The following SYN3 variants were observed in gnomAD, a reference collection of about 807,000 sequenced individuals.
SYN3 encodes synapsin III.
Under a neutral mutation model 65.8 loss-of-function variants are expected in SYN3, and 35 were observed. That is an observed-to-expected ratio of 0.53 (90% confidence interval 0.41 to 0.70). The LOEUF (loss-of-function observed/expected upper bound fraction) is 0.70, where lower values mean the gene tolerates loss of function less well. Ranked by LOEUF, SYN3 falls within the 30% of genes least tolerant of loss-of-function variation. The pLI is 0.00. For synonymous variants in SYN3, 270 were observed against 292.9 expected (o/e 0.92, Z 0.80); for missense variants, 680 against 749.0 (o/e 0.91, Z 1.08).
intron 6 of SYN3, among the ~76,000 whole-genome samples, chr22:32,648,595 A>G (rs1569122911): frequency 1.3e-5 from 2 of 152,212 alleles, no homozygotes; most frequent in Non-Finnish European, 1.5e-5. Context: ...AAATATCTGC[A>G]TTTGAGACTT....
In SYN3 at chr22:32,541,628, A is replaced by G; in HGVS notation, c.860T>C (p.Ile287Thr). 6.2e-7 allele frequency: 1 copy of G among 1,614,028 alleles called. No homozygotes were observed. The highest frequency in any genetic ancestry group is 8.5e-7 in the Non-Finnish European group (1 of 1,179,996). ...GATGCGGATGTCGTACTTGGAGTCG[A>G]TGAAGGCCTCGGTGGTGGCGTAGGT... Reference protein sequence around the residue: ...AKTYATTEAFIDSKYDIRIQK... With the variant: ...AKTYATTEAFTDSKYDIRIQK... Residue 287 changes from isoleucine to threonine, a missense_variant, in exon 8 of 14, where the codon ATC (isoleucine) becomes ACC (threonine). Ile to Thr is a moderately conservative substitution (Grantham distance 89). Transcript: ENST00000358763.
intron 6 of SYN3, among the ~76,000 whole-genome samples, chr22:32,782,385 A>G (rs1314976004): frequency 2.0e-5 from 3 of 151,736 alleles, no homozygotes; most frequent in African/African-American, 7.3e-5. Flanking sequence ...TATTTTTAGT[A>G]GACATGGGGC....
chr22:32,722,762 G>C (rs1418305332), intron 6 of SYN3, among the ~76,000 whole-genome samples: 1 of 152,186 alleles, frequency 6.6e-6, no homozygotes. Flanking sequence ...CTATCTCTAG[G>C]CTAGGAAGGT....
In SYN3 at chr22:32,509,211, G is replaced by T. The variant is rs1429273362; in HGVS notation, c.*4481C>A. Among the ~76,000 whole-genome samples the T allele has an allele frequency of 1.3e-5, 2 of 152,168 alleles. No homozygotes were observed. Among genetic ancestry groups the T allele is most frequent in the East Asian group, 3.8e-4 (2 of 5,206 alleles). ...TTTTCTGTGGCTGGTAGAGCTGTCC[G>T]CTAAGGCTGCGTTTTTAAATCCCTG... On this transcript the variant is annotated 3_prime_UTR_variant, in exon 14 of 14. Transcript: ENST00000358763.
chr22:33,015,216 G>A lies in SYN3; in HGVS notation c.-162-8392C>T, dbSNP rs1210782851. The A allele has an allele frequency of 1.7e-4, 39 of 228,370 alleles. No individual in the cohort carries two copies. In the Admixed American group the frequency reaches 2.3e-3, roughly 13 times the overall value. The allele number at this position is 228,370 out of a possible 1,614,324, so 14.1% of individuals were successfully genotyped here. ...AGCCTGGGCGACAGAGTGAGACTCC[G>A]TCTCAAAAAAAAAAAAAAAAAAAAA... is the stretch of plus-strand genomic sequence containing the variant. On this transcript the variant is annotated intron_variant, in intron 1 of 13. Transcript: ENST00000358763.
chr22:32,956,221 T>A (rs2051460377), intron 3 of SYN3, among the ~76,000 whole-genome samples: 1 of 143,556 alleles, frequency 7.0e-6, no homozygotes, highest in Non-Finnish European at 1.5e-5. Flanking sequence ...AGAGGCACGA[T>A]CTTGGCTCAC....
chr22:32,698,856 T>G (rs1215892219), intron 6 of SYN3, among the ~76,000 whole-genome samples: 5 of 152,216 alleles, frequency 3.3e-5, no homozygotes, highest in African/African-American at 1.2e-4. Context: ...TATGGGACAT[T>G]AATTTCTGCA....
rs547435440 is a variant in SYN3 at position 32,837,356 on chromosome 22, T to C, written c.711+27559A>G. 2.6e-5 allele frequency among the ~76,000 whole-genome samples: 4 copies of C among 152,138 alleles called. No individual in the cohort carries two copies. The South Asian group carries it at 8.3e-4, about 32-fold the overall frequency. On this transcript the variant is annotated intron_variant, in intron 6 of 13. Coordinates refer to ENST00000358763, the MANE Select transcript of SYN3 (RefSeq NM_003490.4). This position sits in a 1 kb window ranked among gnomAD's most constrained non-coding sequence, Gnocchi z 4.1. ...TCTCAGCCCCCCTCACCGAGTGCAC[T>C]TGCATGGCAGTAAGCAAGTCGGCGC...
chr22:32,927,612 A>G (rs777177290), intron 4 of SYN3, among the ~76,000 whole-genome samples: 75 of 151,986 alleles, frequency 4.9e-4, no homozygotes, highest in Non-Finnish European at 2.2e-4. Flanking sequence ...TTTACCCTCA[A>G]TCTCTACTAA....
At chr22:33,012,563 G>A (rs2053374883) in intron 1 of SYN3, among the ~76,000 whole-genome samples, 1 of 152,224 alleles carries the variant, frequency 6.6e-6, no homozygotes, top group Non-Finnish European at 1.5e-5. Flanking sequence ...ATGGTGACTT[G>A]CAAGCAGGAA....
intron 9 of SYN3, among the ~76,000 whole-genome samples, chr22:32,534,455 T>A (rs936300864): frequency 1.3e-5 from 2 of 152,180 alleles, no homozygotes; most frequent in South Asian, 4.2e-4. Flanking sequence ...CTGGGGAGAC[T>A]GGCAGGCTGC....
In SYN3 at chr22:32,710,645, A is replaced by AAAAG. The variant is rs796273968; in HGVS notation, c.712-113913_712-113910dup. ...GAGACTCTGTCTCAAAAAAAAAAAA[A>AAAAG]AAAGAAAGAAAGAAAAAGAAAGAAA... On this transcript the variant is annotated intron_variant, in intron 6 of 13. Coordinates refer to ENST00000358763, the MANE Select transcript of SYN3 (RefSeq NM_003490.4). 9.4e-3 allele frequency among the ~76,000 whole-genome samples: 1,169 copies of AAAAG among 124,262 alleles called. 12 individuals are homozygous for AAAAG. The highest frequency in any genetic ancestry group is 0.038 in the East Asian group (91 of 2,426). 81.5% of individuals were successfully genotyped at this position (124,262 alleles called of 152,430 possible). A position where few individuals can be genotyped will look rare whatever the true frequency, so the allele number is the denominator to read the frequency against.
chr22:32,559,073 T>C (rs552895189), intron 7 of SYN3, among the ~76,000 whole-genome samples: 3 of 152,346 alleles, frequency 2.0e-5, no homozygotes, highest in Non-Finnish European at 4.4e-5. Flanking sequence ...ATTCATTTAG[T>C]CTTCATAACA....
intron 4 of SYN3, among the ~76,000 whole-genome samples, chr22:32,885,637 C>G (rs1416154927): frequency 2.6e-5 from 4 of 151,928 alleles, no homozygotes; most frequent in African/African-American, 9.7e-5. Flanking sequence ...CTCAGCTCAC[C>G]ACAATCTCCA....
chr22:32,808,848 G>A (rs1159109272), intron 6 of SYN3, among the ~76,000 whole-genome samples: 2 of 152,216 alleles, frequency 1.3e-5, no homozygotes, highest in African/African-American at 4.8e-5. Flanking sequence ...AACTCCCAGA[G>A]GGGATCATTC....
intron 6 of SYN3, among the ~76,000 whole-genome samples, chr22:32,643,194 C>T (rs2059928144): frequency 6.6e-6 from 1 of 152,152 alleles, no homozygotes; most frequent in Non-Finnish European, 1.5e-5. Flanking sequence ...TCTCCTGCCT[C>T]AGCCCCTCCT....
intron 6 of SYN3, among the ~76,000 whole-genome samples, chr22:32,799,321 A>G (rs1295779478): frequency 6.6e-6 from 1 of 152,218 alleles, no homozygotes; most frequent in African/African-American, 2.4e-5. Flanking sequence ...CCAGCTTAGG[A>G]TAGGGAGTGA....
intron 3 of SYN3, among the ~76,000 whole-genome samples, chr22:32,965,012 G>T (rs942555127): frequency 6.6e-6 from 1 of 152,156 alleles, no homozygotes; most frequent in Admixed American, 6.5e-5. Context: ...TAGAAAGGTG[G>T]TCAATGCAGG....
intron 7 of SYN3, among the ~76,000 whole-genome samples, chr22:32,567,320 TCCTC>T (rs778082624): frequency 0.018 from 2,204 of 121,440 alleles, 35 homozygotes; most frequent in African/African-American, 0.054. Context: ...ATGACGGAGA[TCCTC>T]CCTCCCTCCC....
Sources: allele counts gnomAD v4.1 joint callset (sites outside exome capture counted in the v4.1 genomes callset), GRCh38; gene constraint gnomAD v4.1.1; non-coding constraint Gnocchi (gnomAD v3.1); transcripts MANE v1.5; gene names NCBI Gene and HGNC (gene_info 2026-07-23, HGNC 2026-07-21).